The following CD180 variants were observed in gnomAD, a reference collection of about 807,000 sequenced individuals.
CD180 encodes the protein CD180 antigen.
In CD180, 11 loss-of-function variants were observed where a neutral mutation model predicts 10.7. The ratio of observed to expected loss-of-function variants is 1.03; its 90% confidence interval spans 0.65 to 1.70. The LOEUF (loss-of-function observed/expected upper bound fraction) is 1.70, where lower values mean the gene tolerates loss of function less well. Among genes scored for constraint, CD180 ranks in the 40% most tolerant of loss-of-function variants. The pLI, the probability that CD180 is intolerant of heterozygous loss-of-function variation, is 0.00. For synonymous variants in CD180, 286 were observed against 294.6 expected (o/e 0.97, Z 0.30); for missense variants, 729 against 775.2 (o/e 0.94, Z 0.71).
chr5:67,191,455 A>G (rs958523419), intron 1 of CD180, among the ~76,000 whole-genome samples: 2 of 152,164 alleles, frequency 1.3e-5, no homozygotes, highest in Non-Finnish European at 2.9e-5. Context: ...GTTCCTTTCA[A>G]AAAAGAGCTC....
At position 67,185,868 on chromosome 5, in the gene CD180, G is replaced by C. The variant is rs777293956; in HGVS notation, c.240C>G (p.Thr80=). 3.8e-6 allele frequency: 6 copies of C among 1,597,884 alleles called. No individual in the cohort carries two copies. Among genetic ancestry groups the C allele is most frequent in the Non-Finnish European group, 5.1e-6 (6 of 1,173,416 alleles). The change falls in exon 2 of 3, where the codon ACC becomes ACG. Residue 80 remains threonine, a synonymous_variant. Transcript: ENST00000256447. The part of the protein sequence containing the change: ...NRTFSRLMNL[T]FLDLTRCQIN... ...ATACATACCTAGTTAAATCCAAAAA[G>C]GTAAGATTCATGAGTCTGCTGAAGG...
chr5:67,193,774 G>T (rs1051190339), intron 1 of CD180, among the ~76,000 whole-genome samples: 1 of 152,200 alleles, frequency 6.6e-6, no homozygotes, highest in East Asian at 1.9e-4. Context: ...AGCACTGAAG[G>T]CCCCAGAACA....
Position 67,181,420 on chromosome 5 carries a change from C to T in CD180, c.*1437G>A, listed in dbSNP as rs1309648151. ...ATCCCTGAGCAGAGAAGAGGTTCAC[C>T]CACTGCTGTTCCCTGCCTGCCCTGC... On this transcript the variant is annotated 3_prime_UTR_variant, in exon 3 of 3. Transcript: ENST00000256447. 1 of 152,176 alleles carries T rather than the reference C, an allele frequency of 6.6e-6. No homozygotes were observed. Among genetic ancestry groups the T allele is most frequent in the African/African-American group, 2.4e-5 (1 of 41,426 alleles). The allele number at this position is 152,176 out of a possible 1,614,324, so 9.4% of individuals were successfully genotyped here.
At chr5:67,188,477 C>T (rs1742243068) in intron 1 of CD180, among the ~76,000 whole-genome samples, 1 of 152,196 alleles carries the variant, frequency 6.6e-6, no homozygotes, top group Non-Finnish European at 1.5e-5. Context: ...TGAGTTCATT[C>T]ACCCTTCCAG....
intron 1 of CD180, among the ~76,000 whole-genome samples, chr5:67,186,885 A>T (rs1022022818): frequency 1.1e-4 from 16 of 140,736 alleles, no homozygotes; most frequent in African/African-American, 4.9e-4. Context: ...AAAGAGAGAG[A>T]GAGAGAGAGA....
At position 67,183,965 on chromosome 5, in the gene CD180, GT is replaced by G; in HGVS notation, c.877del (p.Thr293HisfsTer13). ...EHRFSDISSTTFQCFTQLQEL... is the reference protein window; with the variant it reads ...EHRFSDISSTXFQCFTQLQEL... The stretch of plus-strand genomic sequence containing the variant: ...TTGGAGTTGGGTGAAGCACTGAAAT[GT>G]GGTGGATGAGATGTCAGAGAAGCGG... On this transcript the variant is annotated frameshift_variant, in exon 3 of 3. Coordinates refer to ENST00000256447, the MANE Select transcript of CD180 (RefSeq NM_005582.3). LOFTEE classifies it low-confidence loss of function (END_TRUNC). The G allele has an allele frequency of 6.2e-7, 1 of 1,614,220 alleles. No homozygotes were observed. Among genetic ancestry groups the G allele is most frequent in the South Asian group, 1.1e-5 (1 of 91,078 alleles).
intron 1 of CD180, among the ~76,000 whole-genome samples, chr5:67,186,848 CTGTG>C (rs56004314): frequency 1.1e-4 from 16 of 146,806 alleles, no homozygotes; most frequent in Non-Finnish European, 1.8e-4. Flanking sequence ...TTTGTTCTAT[CTGTG>C]TGTGTGTGTG....
Position 67,183,551 on chromosome 5 carries a change from C to T in CD180, c.1292G>A (p.Arg431His), listed in dbSNP as rs200803485. Residue 431 changes from arginine (R) to histidine (H), a missense_variant, in exon 3 of 3, where the codon CGC becomes CAC. Transcript: ENST00000256447. ...ACTTTGTGGAGCATTAATGTGTAAG[C>T]GGGTAAATGCCAAATCGAGGAGTTC... is the stretch of plus-strand genomic sequence containing the variant. ...QLELLDLAFT[R>H]LHINAPQSPF... The T allele has an allele frequency of 6.1e-5, 99 of 1,614,094 alleles. No homozygotes were observed. In the East Asian group the frequency reaches 1.2e-3, roughly 19 times the overall value.
intron 2 of CD180, among the ~76,000 whole-genome samples, chr5:67,184,817 G>A (rs1010065641): frequency 4.6e-5 from 7 of 151,914 alleles, no homozygotes; most frequent in Admixed American, 3.9e-4. Flanking sequence ...AACCCTCAGA[G>A]GTTTGTGCCT....
intron 1 of CD180, among the ~76,000 whole-genome samples, chr5:67,195,727 C>T (rs1243101234): frequency 1.3e-5 from 2 of 152,214 alleles, no homozygotes; most frequent in African/African-American, 4.8e-5. Context: ...CTAGTCCTGC[C>T]CCAGGGCAAC....
At chr5:67,191,139 A>G (rs1354797222) in intron 1 of CD180, 2 of 966,100 alleles carry the variant, frequency 2.1e-6, no homozygotes, top group Non-Finnish European at 2.5e-6. Flanking sequence ...CTGTAACTTC[A>G]TTGTCAATCT....
intron 1 of CD180, among the ~76,000 whole-genome samples, chr5:67,192,559 G>A (rs539646447): frequency 1.3e-5 from 2 of 152,206 alleles, no homozygotes; most frequent in South Asian, 4.1e-4. Flanking sequence ...AAGGCAGACG[G>A]GGAGCAGGCA....
intron 2 of CD180, among the ~76,000 whole-genome samples, chr5:67,185,495 C>T (rs995855770): frequency 2.0e-5 from 3 of 152,076 alleles, no homozygotes; most frequent in African/African-American, 7.2e-5. Context: ...TGCTTTTCTC[C>T]TAGAAATTTT....
chr5:67,184,568 A>T lies in CD180; in HGVS notation c.275T>A (p.Ile92Lys), dbSNP rs748077711. 3 of 1,591,264 alleles carry T rather than the reference A, an allele frequency of 1.9e-6. No homozygotes were observed. The Admixed American group carries it at 5.1e-5, about 27-fold the overall frequency. Residue 92 changes from isoleucine to lysine, a missense_variant, in exon 3 of 3, where the codon ATA (isoleucine) becomes AAA (lysine). Transcript: ENST00000256447. Reference protein sequence around the residue: ...LDLTRCQINWIHEDTFQSHHQ... With the variant: ...LDLTRCQINWKHEDTFQSHHQ... ...ATGGCTTTGAAAAGTGTCTTCATGT[A>T]TCCAGTTAATCTGGCACCTTGAAAA...
intron 1 of CD180, among the ~76,000 whole-genome samples, chr5:67,192,732 G>A (rs1180664532): frequency 6.6e-6 from 1 of 151,976 alleles, no homozygotes; most frequent in African/African-American, 2.4e-5. Context: ...CCACCACTGG[G>A]GATTAAAATA....
At chr5:67,193,884 A>G (rs561846167) in intron 1 of CD180, among the ~76,000 whole-genome samples, 2 of 152,330 alleles carry the variant, frequency 1.3e-5, no homozygotes, top group African/African-American at 2.4e-5. Context: ...CTGCTTCCCA[A>G]TGAGGTGGAA....
chr5:67,185,356 T>C (rs1742170841), intron 2 of CD180, among the ~76,000 whole-genome samples: 1 of 151,660 alleles, frequency 6.6e-6, no homozygotes, highest in Non-Finnish European at 1.5e-5. Context: ...TTTTCTTCCC[T>C]TATTTTCTTG....
Position 67,180,166 on chromosome 5 carries a change from C to CGGG in CD180, c.*2688_*2690dup. The CGGG allele has an allele frequency of 6.6e-6, 1 of 152,344 alleles. No individual in the cohort carries two copies. Among genetic ancestry groups the CGGG allele is most frequent in the South Asian group, 2.1e-4 (1 of 4,832 alleles). 9.4% of individuals were successfully genotyped at this position (152,344 alleles called of 1,614,324 possible). ...GCAAGCTGCATCGCATGGAAGGGAGCGGGCCTGAGAAGTGAAAGCAGGATG... is the reference window on the plus strand; with the variant it reads ...GCAAGCTGCATCGCATGGAAGGGAGCGGGGGGCCTGAGAAGTGAAAGCAGGATG... On this transcript the variant is annotated 3_prime_UTR_variant, in exon 3 of 3. Coordinates refer to ENST00000256447, the MANE Select transcript of CD180 (RefSeq NM_005582.3).
chr5:67,195,853 C>T (rs1742391331), intron 1 of CD180, among the ~76,000 whole-genome samples: 1 of 152,138 alleles, frequency 6.6e-6, no homozygotes, highest in Non-Finnish European at 1.5e-5. Context: ...TCTGACAGGC[C>T]ACGTGGTATT....
Sources: gnomAD v4.1 joint callset for allele counts (sites outside exome capture counted in the v4.1 genomes callset) on GRCh38, gnomAD v4.1.1 for gene constraint, MANE v1.5 for transcripts, NCBI Gene and HGNC (gene_info 2026-07-23, HGNC 2026-07-21) for gene names.